NSF: variants seen among roughly 807,000 people sequenced by gnomAD.
The protein encoded by NSF is vesicle-fusing ATPase.
Under a neutral mutation model 50.3 loss-of-function variants are expected in NSF, and 14 were observed. The ratio of observed to expected loss-of-function variants is 0.28; its 90% confidence interval spans 0.18 to 0.44. The LOEUF is 0.44. Among genes scored for constraint, NSF ranks in the 20% least tolerant of loss-of-function variants. NSF has a pLI of 1.00. For synonymous variants in NSF, 109 were observed against 175.7 expected, an observed-to-expected ratio of 0.62 and a Z score of 3.00; for missense variants, 218 against 504.3, an observed-to-expected ratio of 0.43 and a Z score of 5.44.
At chr17:46,741,084 A>G (rs923900640) in intron 17 of NSF, among the ~76,000 whole-genome samples, 1 of 152,154 alleles carries the variant, frequency 6.6e-6, no homozygotes, top group African/African-American at 2.4e-5. Flanking sequence ...ACAAATAAAA[A>G]CAGTAGACAG....
chr17:46,734,645 CA>C (rs2058982587), intron 17 of NSF, among the ~76,000 whole-genome samples: 1 of 152,042 alleles, frequency 6.6e-6, no homozygotes, highest in Admixed American at 6.6e-5. Flanking sequence ...GTATAGTGAT[CA>C]ACTAAGATAA....
In NSF at chr17:46,713,911, C is replaced by G; in HGVS notation, c.1686C>G (p.Phe562Leu). The change falls in exon 15 of 21, where the codon TTC becomes TTG. Residue 562 changes from phenylalanine to leucine, a missense_variant. Phe to Leu is a conservative substitution (Grantham distance 22). Coordinates refer to ENST00000398238, the MANE Select transcript of NSF (RefSeq NM_006178.4). ...CAAAAATTGCAGAGGAATCCAACTTCCCGTTCATCAAGATCTGTTCTCCTG... is the reference window on the plus strand; with the variant it reads ...CAAAAATTGCAGAGGAATCCAACTTGCCGTTCATCAAGATCTGTTCTCCTG... ...LAAKIAEESN[F>L]PFIKICSPDK... is the part of the protein sequence containing the mutation. 1.2e-6 allele frequency: 2 copies of G among 1,612,868 alleles called. No individual in the cohort carries two copies. Among genetic ancestry groups the G allele is most frequent in the African/African-American group, 1.3e-5 (1 of 75,000 alleles).
At chr17:46,736,911 C>T (rs2059012091) in intron 17 of NSF, among the ~76,000 whole-genome samples, 1 of 152,202 alleles carries the variant, frequency 6.6e-6, no homozygotes, top group Non-Finnish European at 1.5e-5. Flanking sequence ...CAGTGCCATG[C>T]TCCCCATCTA....
intron 15 of NSF, among the ~76,000 whole-genome samples, chr17:46,723,382 C>T (rs1356387808): frequency 6.6e-6 from 1 of 152,158 alleles, no homozygotes; most frequent in African/African-American, 2.4e-5. Context: ...TTATAAGATA[C>T]CACATTGGCT....
chr17:46,676,237 T>C (rs909373038), intron 9 of NSF, among the ~76,000 whole-genome samples: 2 of 116,104 alleles, frequency 1.7e-5, no homozygotes, highest in African/African-American at 2.7e-5. Flanking sequence ...CTTCTTCTTT[T>C]TTTTTTTTTT....
chr17:46,754,661 G>C (rs774425868), intron 19 of NSF, among the ~76,000 whole-genome samples: 1 of 152,146 alleles, frequency 6.6e-6, no homozygotes, highest in Non-Finnish European at 1.5e-5. Flanking sequence ...TAATAATAAC[G>C]ACCTGAACGA....
At chr17:46,725,151 G>T (rs2058874803) in intron 15 of NSF, among the ~76,000 whole-genome samples, 1 of 152,178 alleles carries the variant, frequency 6.6e-6, no homozygotes, top group Non-Finnish European at 1.5e-5. Flanking sequence ...ACAAAATCCT[G>T]TGCCAAAGGA....
chr17:46,707,148 GC>G (rs1313187426), intron 13 of NSF, among the ~76,000 whole-genome samples: 1 of 152,188 alleles, frequency 6.6e-6, no homozygotes, highest in Non-Finnish European at 1.5e-5. Flanking sequence ...ACTGCACCCA[GC>G]CTCAGATTTA....
intron 15 of NSF, among the ~76,000 whole-genome samples, chr17:46,725,275 C>T (rs907314171): frequency 6.6e-6 from 1 of 152,168 alleles, no homozygotes; most frequent in African/African-American, 2.4e-5. Context: ...CTACACATAA[C>T]ATGAACAGAA....
chr17:46,712,015 G>T (rs1269331633), intron 14 of NSF, among the ~76,000 whole-genome samples: 1 of 152,198 alleles, frequency 6.6e-6, no homozygotes, highest in Non-Finnish European at 1.5e-5. Flanking sequence ...GCAATGGGAA[G>T]CCATTTGTAG....
At chr17:46,741,380 C>T (rs772277882) in intron 17 of NSF, among the ~76,000 whole-genome samples, 2 of 152,156 alleles carry the variant, frequency 1.3e-5, no homozygotes, top group Non-Finnish European at 2.9e-5. Context: ...TTCAGTTTCT[C>T]GTTTCATATT....
intron 12 of NSF, among the ~76,000 whole-genome samples, chr17:46,697,236 A>G (rs1171159036): frequency 8.2e-6 from 1 of 121,230 alleles, no homozygotes; most frequent in Admixed American, 9.3e-5. Context: ...TTTGAAACAG[A>G]GTCTTACTCT....
At chr17:46,722,167 T>C in intron 15 of NSF, 1 of 1,611,648 alleles carries the variant, frequency 6.2e-7, no homozygotes. Flanking sequence ...GAACTGAACA[T>C]GGCTTTCTCC....
At chr17:46,721,285 C>G (rs909064565) in intron 15 of NSF, among the ~76,000 whole-genome samples, 2 of 152,196 alleles carry the variant, frequency 1.3e-5, no homozygotes, top group Non-Finnish European at 2.9e-5. Flanking sequence ...CACAGGTGGA[C>G]ATAACGGGCT....
chr17:46,707,843 C>T (rs1007592626), intron 13 of NSF, among the ~76,000 whole-genome samples: 6 of 151,758 alleles, frequency 4.0e-5, no homozygotes, highest in Admixed American at 3.3e-4. Flanking sequence ...ACTAGCCTGG[C>T]CAACATAGTG....
In NSF at chr17:46,708,827, T is replaced by A. The variant is rs1327355476; in HGVS notation, c.1471-2136T>A. 9.7e-3 allele frequency among the ~76,000 whole-genome samples: 1,115 copies of A among 114,464 alleles called. 10 individuals carry two copies. The highest frequency in any genetic ancestry group is 0.042 in the East Asian group (183 of 4,372). 75.1% of individuals were successfully genotyped at this position (114,464 alleles called of 152,430 possible). A position where few individuals can be genotyped will look rare whatever the true frequency, so the allele number is the denominator to read the frequency against. On this transcript the variant is annotated intron_variant, in intron 13 of 20. Coordinates refer to ENST00000398238, the MANE Select transcript of NSF (RefSeq NM_006178.4). ...TTTTATATATATATATATATATTTT[T>A]TTTTTTTTTTTTTTTTGAGACTGAG...
At chr17:46,728,473 A>G (rs1252020564) in intron 16 of NSF, among the ~76,000 whole-genome samples, 1 of 152,082 alleles carries the variant, frequency 6.6e-6, no homozygotes, top group Non-Finnish European at 1.5e-5. Flanking sequence ...CAAAAAATTT[A>G]TAGAGCCGAG....
At chr17:46,703,706 A>C (rs1245763664) in intron 12 of NSF, among the ~76,000 whole-genome samples, 1 of 130,504 alleles carries the variant, frequency 7.7e-6, no homozygotes, top group Admixed American at 8.0e-5. Flanking sequence ...AAAAAAAAAC[A>C]AAAAACAGAA....
intron 16 of NSF, among the ~76,000 whole-genome samples, chr17:46,727,609 A>G (rs1022621725): frequency 6.6e-6 from 1 of 152,176 alleles, no homozygotes; most frequent in African/African-American, 2.4e-5. Context: ...CAAAGCAGGT[A>G]TATCTGTGAG....
Sources: allele counts gnomAD v4.1 joint callset (sites outside exome capture counted in the v4.1 genomes callset), GRCh38; gene constraint gnomAD v4.1.1; transcripts MANE v1.5; gene names NCBI Gene and HGNC (gene_info 2026-07-23, HGNC 2026-07-21).